Variants in KLHL3 observed in about 807,000 individuals in gnomAD.
KLHL3 encodes kelch-like protein 3.
A neutral mutation model predicts 70.5 loss-of-function variants in KLHL3; 19 were observed. The observed-to-expected ratio is 0.27, with a 90% CI of 0.19 to 0.40. KLHL3 has a LOEUF of 0.40. Among genes scored for constraint, KLHL3 ranks in the 10% least tolerant of loss-of-function variants. The probability of loss-of-function intolerance (pLI) is 1.00; values close to 1 mark genes in which losing one functional copy is unlikely to be tolerated. For missense variants in KLHL3, 512 were observed against 771.1 expected, an observed-to-expected ratio of 0.66 and a Z score of 3.98; for synonymous variants, 258 against 290.3, an observed-to-expected ratio of 0.89 and a Z score of 1.13.
chr5:137,662,240 TACACACACACACACAC>T (rs138942924), intron 6 of KLHL3, among the ~76,000 whole-genome samples: 31 of 141,852 alleles, frequency 2.2e-4, no homozygotes, highest in African/African-American at 2.9e-4. Context: ...ACACACACTC[TACACACACACACACAC>T]ACACACACAC....
intron 1 of KLHL3, among the ~76,000 whole-genome samples, chr5:137,731,816 A>ACAGTCTGCCACAC (rs1753178616): frequency 6.6e-6 from 1 of 152,202 alleles, no homozygotes; most frequent in Non-Finnish European, 1.5e-5. Flanking sequence ...ACTCTTGCAG[A>ACAGTCTGCCACAC]TCTGCCACAG....
chr5:137,659,540 GC>G (rs1751422670), intron 7 of KLHL3, among the ~76,000 whole-genome samples: 1 of 152,142 alleles, frequency 6.6e-6, no homozygotes, highest in Admixed American at 6.5e-5. Context: ...AAGGAACTGA[GC>G]CAGCTTGAGA....
chr5:137,662,125 A>AGAG (rs57861747), intron 6 of KLHL3, 94 bp from the exon 7 acceptor site: 3 of 684,034 alleles, frequency 4.4e-6, no homozygotes, highest in Non-Finnish European at 2.6e-6. Context: ...AGAGAGAGAG[A>AGAG]AAAAGTTATG....
At chr5:137,643,725 C>A (rs2149887810) in intron 8 of KLHL3, among the ~76,000 whole-genome samples, 1 of 152,274 alleles carries the variant, frequency 6.6e-6, no homozygotes, top group Middle Eastern at 3.4e-3. Flanking sequence ...CTTATTATTT[C>A]TTTGTGGTGA....
At chr5:137,670,796 C>T (rs1580748291) in intron 6 of KLHL3, among the ~76,000 whole-genome samples, 1 of 151,670 alleles carries the variant, frequency 6.6e-6, no homozygotes, top group Non-Finnish European at 1.5e-5. Context: ...GATGAAACCC[C>T]GTCTCTACTA....
At chr5:137,683,845 T>C (rs1025179191) in intron 5 of KLHL3, among the ~76,000 whole-genome samples, 16 of 151,658 alleles carry the variant, frequency 1.1e-4, no homozygotes, top group African/African-American at 3.6e-4. Flanking sequence ...AGGGCCATAA[T>C]AGTGCTATTG....
At chr5:137,642,142 C>T (rs1355215374) in intron 8 of KLHL3, among the ~76,000 whole-genome samples, 1 of 152,136 alleles carries the variant, frequency 6.6e-6, no homozygotes, top group Non-Finnish European at 1.5e-5. Context: ...ATTGTCTTTC[C>T]GGTTTTGAGT....
rs1206080686 is a variant in KLHL3, at chr5:137,620,418, T to C, written c.*1680A>G. On this transcript the variant is annotated 3_prime_UTR_variant, in exon 15 of 15. Coordinates refer to ENST00000309755, the MANE Select transcript of KLHL3 (RefSeq NM_017415.3). Reference sequence around the variant, plus strand: ...CAGGGGCTGGGGGATGCCAATCTCCTGCAGCACCTGCTTGGAAGTAGCCCA... The same window carrying C: ...CAGGGGCTGGGGGATGCCAATCTCCCGCAGCACCTGCTTGGAAGTAGCCCA... 1 of 152,200 alleles carries C rather than the reference T, an allele frequency of 6.6e-6. No homozygotes were observed. Among genetic ancestry groups the C allele is most frequent in the Non-Finnish European group, 1.5e-5 (1 of 68,022 alleles). The allele number at this position is 152,200 out of a possible 1,614,324, so 9.4% of individuals were successfully genotyped here. A position where few individuals can be genotyped will look rare whatever the true frequency, so the allele number is the denominator to read the frequency against.
chr5:137,727,679 T>G (rs545802708), intron 1 of KLHL3, among the ~76,000 whole-genome samples: 4 of 152,292 alleles, frequency 2.6e-5, no homozygotes, highest in African/African-American at 9.6e-5. Flanking sequence ...GCCTCTTCCC[T>G]GAAGCCTTCC....
intron 12 of KLHL3, among the ~76,000 whole-genome samples, chr5:137,631,089 A>AAAAAG (rs1554090059): frequency 2.8e-5 from 4 of 141,906 alleles, no homozygotes; most frequent in African/African-American, 1.1e-4. Context: ...AAAAAAAAAA[A>AAAAAG]AGAGAGAGAG....
intron 3 of KLHL3, chr5:137,707,567 G>A (rs547400266): frequency 2.6e-5 from 4 of 154,418 alleles, no homozygotes; most frequent in South Asian, 2.0e-4. Flanking sequence ...TGTAGTACAC[G>A]TAATTTTTTA....
chr5:137,649,493 T>G (rs1215319745), intron 8 of KLHL3, among the ~76,000 whole-genome samples: 6 of 152,082 alleles, frequency 3.9e-5, no homozygotes, highest in Admixed American at 2.0e-4. Flanking sequence ...CAAACAAGCC[T>G]GAAATAACTG....
At chr5:137,694,146 T>A (rs1752390017) in intron 4 of KLHL3, among the ~76,000 whole-genome samples, 1 of 151,800 alleles carries the variant, frequency 6.6e-6, no homozygotes, top group Admixed American at 6.6e-5. Context: ...GTGCTCGAAC[T>A]CCTGAGCCAA....
intron 8 of KLHL3, among the ~76,000 whole-genome samples, chr5:137,650,039 T>C (rs1751161412): frequency 6.6e-6 from 1 of 152,236 alleles, no homozygotes; most frequent in African/African-American, 2.4e-5. Flanking sequence ...CTTAGGCTAA[T>C]AATGCAAAGA....
rs3839339 is a variant in KLHL3 at position 137,621,777 on chromosome 5, T to TAC, written c.*319_*320dup. 380 of 309,724 alleles carry TAC rather than the reference T, an allele frequency of 1.2e-3. 4 individuals are homozygous for TAC. The highest frequency in any genetic ancestry group is 7.0e-3 in the East Asian group (135 of 19,250). 19.2% of individuals were successfully genotyped at this position (309,724 alleles called of 1,614,324 possible). A position where few individuals can be genotyped will look rare whatever the true frequency, so the allele number is the denominator to read the frequency against. ...AGAAACATAGAGAAACACCATGGTC[T>TAC]ACACACACACACACACACACACACA... On this transcript the variant is annotated 3_prime_UTR_variant, in exon 15 of 15. Transcript: ENST00000309755.
intron 3 of KLHL3, among the ~76,000 whole-genome samples, chr5:137,702,579 G>A (rs1298726209): frequency 6.6e-6 from 1 of 152,148 alleles, no homozygotes; most frequent in Non-Finnish European, 1.5e-5. Context: ...CATCCTAAGG[G>A]CAACAGGGAG....
At chr5:137,646,465 AT>A (rs1488577660) in intron 8 of KLHL3, among the ~76,000 whole-genome samples, 1 of 152,164 alleles carries the variant, frequency 6.6e-6, no homozygotes, top group African/African-American at 2.4e-5. Context: ...AAAAGAATAA[AT>A]TTCCTATCAT....
At chr5:137,644,581 C>T (rs559122415) in intron 8 of KLHL3, among the ~76,000 whole-genome samples, 1 of 152,204 alleles carries the variant, frequency 6.6e-6, no homozygotes, top group Non-Finnish European at 1.5e-5. Flanking sequence ...TTTAATTTTT[C>T]CTGGACACAT....
chr5:137,642,417 G>A (rs997699842), intron 8 of KLHL3, among the ~76,000 whole-genome samples: 16 of 152,086 alleles, frequency 1.1e-4, no homozygotes, highest in South Asian at 2.1e-4. Context: ...CTACATATCC[G>A]TCCTCTGAGA....
Sources: allele counts gnomAD v4.1 joint callset (sites outside exome capture counted in the v4.1 genomes callset), GRCh38; gene constraint gnomAD v4.1.1; transcripts MANE v1.5; gene names NCBI Gene and HGNC (gene_info 2026-07-23, HGNC 2026-07-21).